CYP2F1: variants seen among roughly 807,000 people sequenced by gnomAD.
CYP2F1 encodes the protein cytochrome P450 family 2 subfamily F member 1.
Under a neutral mutation model 40.4 loss-of-function variants are expected in CYP2F1, and 33 were observed. The observed-to-expected ratio is 0.82, with a 90% CI of 0.62 to 1.09. The LOEUF is 1.09. CYP2F1 is among the 50% of genes least tolerant of loss of function. The pLI is 0.00. For synonymous variants in CYP2F1, 235 were observed against 277.2 expected (o/e 0.85, Z 1.51); for missense variants, 566 against 655.7 (o/e 0.86, Z 1.49).
intron 1 of CYP2F1, 63 bp from the exon 2 acceptor site, chr19:41,116,114 CA>C: frequency 6.9e-7 from 1 of 1,443,854 alleles, no homozygotes; most frequent in Non-Finnish European, 9.4e-7. Flanking sequence ...AGGTAAGTCC[CA>C]GGGGAGATGG....
At chr19:41,125,437 G>T (rs1319139303) in intron 8 of CYP2F1, 56 bp from the exon 9 acceptor site, 1 of 961,842 alleles carries the variant, frequency 1.0e-6, no homozygotes, top group African/African-American at 1.7e-5. Context: ...ATGGAAAGGA[G>T]TTTGGGAGCC....
At chr19:41,119,965 A>G (rs963245180) in intron 3 of CYP2F1, among the ~76,000 whole-genome samples, 1 of 151,710 alleles carries the variant, frequency 6.6e-6, no homozygotes, top group African/African-American at 2.4e-5. Flanking sequence ...ATCATCAATA[A>G]GTAATCACCA....
At chr19:41,124,255 C>CCACT (rs1568381420) in intron 7 of CYP2F1, among the ~76,000 whole-genome samples, 3 of 35,252 alleles carry the variant, frequency 8.5e-5, no homozygotes, top group African/African-American at 3.7e-4. Flanking sequence ...TCCCCCCCCC[C>CCACT]TTTTTTTTTT....
chr19:41,119,723 C>CTCTCTCTCTATA (rs1478574507), intron 3 of CYP2F1, among the ~76,000 whole-genome samples: 9 of 35,794 alleles, frequency 2.5e-4, no homozygotes, highest in Admixed American at 8.6e-4. Context: ...CTCTCTCTCT[C>CTCTCTCTCTATA]TATATATATA....
chr19:41,120,507 T>A lies in CYP2F1; in HGVS notation c.484+11T>A, dbSNP rs1680973765. 2 of 1,610,742 alleles carry A rather than the reference T, an allele frequency of 1.2e-6. No individual in the cohort carries two copies. The highest frequency in any genetic ancestry group is 1.3e-5 in the African/African-American group (1 of 74,514). On this transcript the variant is annotated intron_variant, in intron 4 of 9. Transcript: ENST00000331105. ...TGCGGAAAACTGAAGGTCAGGAATT[T>A]TTTTTAACAGGCTGGATGGCACGAT...
In CYP2F1 at chr19:41,128,270, A is replaced by G; in HGVS notation, c.*188A>G. The G allele has an allele frequency of 1.8e-6, 1 of 559,938 alleles. No individual in the cohort carries two copies. The highest frequency in any genetic ancestry group is 2.9e-5 in the East Asian group (1 of 34,176). 34.7% of individuals were successfully genotyped at this position (559,938 alleles called of 1,614,324 possible). On this transcript the variant is annotated 3_prime_UTR_variant, in exon 10 of 10. Transcript: ENST00000331105. ...TGCCCCGTCTGCAGGGCAGAGGCAGATGTGGCATGTCTTTTTGTACCCACA... is the reference window on the plus strand; with the variant it reads ...TGCCCCGTCTGCAGGGCAGAGGCAGGTGTGGCATGTCTTTTTGTACCCACA...
At position 41,124,728 on chromosome 19, in the gene CYP2F1, A is replaced by G. The variant is rs1333487100; in HGVS notation, c.974A>G (p.Gln325Arg). Residue 325 changes from glutamine (Q) to arginine (R), a missense_variant, in exon 8 of 10, where the codon CAG (glutamine) becomes CGG (arginine). Transcript: ENST00000331105. ...CCCGCTTCCTCTCCAGCCCGCGTGCAGGAGGAGATCGACCTCGTGGTGGGA... is the reference window on the plus strand; with the variant it reads ...CCCGCTTCCTCTCCAGCCCGCGTGCGGGAGGAGATCGACCTCGTGGTGGGA... ...MKYPKVQARV[Q>R]EEIDLVVGRA... 1.2e-6 allele frequency: 2 copies of G among 1,602,172 alleles called. No individual in the cohort carries two copies. The highest frequency in any genetic ancestry group is 1.7e-5 in the Admixed American group (1 of 59,878).
intron 3 of CYP2F1, among the ~76,000 whole-genome samples, chr19:41,118,175 T>C (rs1445458304): frequency 2.0e-5 from 3 of 151,806 alleles, no homozygotes; most frequent in Non-Finnish European, 4.4e-5. Flanking sequence ...GACAAATCTC[T>C]GTTCAAAGGA....
At chr19:41,116,642 G>A (rs201870178) in intron 3 of CYP2F1, 25 bp downstream of exon 3, 168 of 1,610,386 alleles carry the variant, frequency 1.0e-4, no homozygotes, top group African/African-American at 2.1e-4. Context: ...TGTCTCCTCC[G>A]CTCTCGGCCT....
In CYP2F1 at chr19:41,121,742, C is replaced by T. The variant is rs568605451; in HGVS notation, c.645+124C>T. ...CCAGGGCCCGCCCCCTCCCATCTGA[C>T]CCCACCCAGAGTTACACGGCCACGC... On this transcript the variant is annotated intron_variant, in intron 5 of 9. Coordinates refer to ENST00000331105, the MANE Select transcript of CYP2F1 (RefSeq NM_000774.5). 5.6e-5 allele frequency: 55 copies of T among 982,796 alleles called. No homozygotes were observed. In the Admixed American group the frequency reaches 1.2e-3, roughly 21 times the overall value. The allele number at this position is 982,796 out of a possible 1,614,324, so 60.9% of individuals were successfully genotyped here. A position where few individuals can be genotyped will look rare whatever the true frequency, so the allele number is the denominator to read the frequency against.
chr19:41,114,783 T>G (rs891493182), intron 1 of CYP2F1, among the ~76,000 whole-genome samples: 15 of 131,908 alleles, frequency 1.1e-4, no homozygotes, highest in Admixed American at 8.5e-4. Flanking sequence ...TCTCTCTCTC[T>G]CTCTCTTTTT....
At chr19:41,125,784 T>C (rs1280482968) in intron 9 of CYP2F1, 150 bp downstream of exon 9, 5 of 1,516,302 alleles carry the variant, frequency 3.3e-6, no homozygotes, top group Non-Finnish European at 3.6e-6. Flanking sequence ...ACTCTGCTCC[T>C]ATAGGCAAGT....
At chr19:41,124,979 T>C in intron 8 of CYP2F1, 73 bp downstream of exon 8, 1 of 1,350,398 alleles carries the variant, frequency 7.4e-7, no homozygotes, top group Non-Finnish European at 1.0e-6. Context: ...TGGCAAGGAG[T>C]ATCCCAGGCA....
rs554533437 is a variant in CYP2F1 at position 41,128,048 on chromosome 19, C to T, written c.1442C>T (p.Pro481Leu). The T allele has an allele frequency of 5.0e-5, 81 of 1,610,226 alleles. 1 individual carries two copies. In the South Asian group the frequency reaches 5.4e-4, roughly 11 times the overall value. The change falls in exon 10 of 10, where the codon CCG (proline) becomes CTG (leucine). Residue 481 changes from proline to leucine, a missense_variant. This residue lies in a region of CYP2F1 where 85 missense variants were observed against 84.9 expected (regional missense o/e 1.00). Coordinates refer to ENST00000331105, the MANE Select transcript of CYP2F1 (RefSeq NM_000774.5). ...CTCAGCTCAGGTCTTGGCAATTTGCCGCGGCCTTTCCAGCTGTGCCTGCGC... is the reference window on the plus strand; with the variant it reads ...CTCAGCTCAGGTCTTGGCAATTTGCTGCGGCCTTTCCAGCTGTGCCTGCGC... ...TPLSSGLGNLPRPFQLCLRPR is the reference protein window; with the variant it reads ...TPLSSGLGNLLRPFQLCLRPR
chr19:41,119,740 TATATATATACACACAC>T (rs1360963435), intron 3 of CYP2F1, among the ~76,000 whole-genome samples: 9 of 73,422 alleles, frequency 1.2e-4, no homozygotes, highest in African/African-American at 4.2e-4. Flanking sequence ...TATATATATA[TATATATATACACACAC>T]ACACACACAC....
At chr19:41,114,788 C>CTTTTTTTTTTTT (rs36044091) in intron 1 of CYP2F1, among the ~76,000 whole-genome samples, 1 of 100,010 alleles carries the variant, frequency 1.0e-5, no homozygotes, top group Non-Finnish European at 1.9e-5. Context: ...CTCTCTCTCT[C>CTTTTTTTTTTTT]TTTTTTTTTT....
chr19:41,119,638 G>C (rs1488365054), intron 3 of CYP2F1, among the ~76,000 whole-genome samples: 1 of 148,904 alleles, frequency 6.7e-6, no homozygotes, highest in Non-Finnish European at 1.5e-5. Context: ...GCAGTAAGCT[G>C]AGATTGTGCC....
intron 3 of CYP2F1, among the ~76,000 whole-genome samples, chr19:41,119,036 C>A (rs1312916691): frequency 1.3e-5 from 2 of 152,034 alleles, no homozygotes; most frequent in African/African-American, 4.8e-5. Context: ...ATGGGGGAAG[C>A]CTGGGGAGCT....
At chr19:41,115,001 C>T (rs1464803491) in intron 1 of CYP2F1, among the ~76,000 whole-genome samples, 1 of 152,048 alleles carries the variant, frequency 6.6e-6, no homozygotes, top group Admixed American at 6.6e-5. Flanking sequence ...AACTCCTGAC[C>T]TCAAGTGATC....
Sources: allele counts gnomAD v4.1 joint callset (sites outside exome capture counted in the v4.1 genomes callset), GRCh38; gene constraint gnomAD v4.1.1; regional missense constraint gnomAD v4.1.1; transcripts MANE v1.5; gene names NCBI Gene and HGNC (gene_info 2026-07-23, HGNC 2026-07-21).